Variants in RFX8 observed in about 807,000 individuals in gnomAD.
The protein encoded by RFX8 is regulatory factor X8.
RFX8 carries 46 observed loss-of-function variants against 54.6 expected under a neutral mutation model. The ratio of observed to expected loss-of-function variants is 0.84; its 90% CI spans 0.67 to 1.08. RFX8 has a LOEUF of 1.08. Ranked by LOEUF, RFX8 falls within the 50% of genes least tolerant of loss-of-function variation. RFX8 has a pLI of 0.00. For missense variants in RFX8, 536 were observed against 562.3 expected, an observed-to-expected ratio of 0.95 and a Z score of 0.47; for synonymous variants, 192 against 209.5, an observed-to-expected ratio of 0.92 and a Z score of 0.72.
intron 10 of RFX8, 128 bp downstream of exon 10, chr2:101,405,815 T>C (rs1685695712): frequency 9.3e-6 from 5 of 537,408 alleles, no homozygotes; most frequent in African/African-American, 1.9e-5. Flanking sequence ...GCTGTATCTA[T>C]GTTATATTTT....
chr2:101,439,495 A>G (rs1687966241), intron 2 of RFX8, among the ~76,000 whole-genome samples: 1 of 152,032 alleles, frequency 6.6e-6, no homozygotes, highest in Non-Finnish European at 1.5e-5. Context: ...TTTAAAGTTT[A>G]ATATTATGTT....
intron 11 of RFX8, among the ~76,000 whole-genome samples, chr2:101,401,994 A>G (rs1210686136): frequency 1.3e-5 from 2 of 152,232 alleles, no homozygotes; most frequent in African/African-American, 4.8e-5. Flanking sequence ...GGTGTTAGGT[A>G]AATAGTAACT....
intron 10 of RFX8, among the ~76,000 whole-genome samples, chr2:101,404,360 T>C (rs1685608632): frequency 6.6e-6 from 1 of 152,204 alleles, no homozygotes; most frequent in Admixed American, 6.5e-5. Context: ...TTCAAACTAC[T>C]GGTGTGAATA....
chr2:101,397,597 G>C lies in RFX8; in HGVS notation c.1373C>G (p.Pro458Arg). 1 of 1,550,010 alleles carries C rather than the reference G, an allele frequency of 6.5e-7. No homozygotes were observed. Among genetic ancestry groups the C allele is most frequent in the Non-Finnish European group, 8.7e-7 (1 of 1,146,050 alleles). ...GAAATAAATATCTTCAGAGCTTTGG[G>C]GTACATCTGATATCTGAATCACAAA... Reference protein sequence around the residue: ...QQFVIQISDVPQSSEDIYFRE... With the variant: ...QQFVIQISDVRQSSEDIYFRE... The change falls in exon 12 of 12, where the codon CCC becomes CGC. Residue 458 changes from proline to arginine, a missense_variant. By Grantham distance (103) the Pro-to-Arg change is moderately radical (BLOSUM62 -2). Transcript: ENST00000428343.
In RFX8 at chr2:101,470,833, C is replaced by T. The variant is rs190912596; in HGVS notation, c.-53+3803G>A. ...CTCCCAGGTTCATGTCATTCTCCTACCTCAGCCTCCCAAGTAGCTGGGACT... is the reference window on the plus strand; with the variant it reads ...CTCCCAGGTTCATGTCATTCTCCTATCTCAGCCTCCCAAGTAGCTGGGACT... On this transcript the variant is annotated intron_variant, in intron 1 of 11. Transcript: ENST00000428343. Among the ~76,000 whole-genome samples, 76 of 148,906 alleles carry T rather than the reference C, an allele frequency of 5.1e-4. 1 individual carries two copies. The East Asian group carries it at 0.01, about 20-fold the overall frequency.
At chr2:101,468,710 C>T (rs1374050688) in intron 1 of RFX8, among the ~76,000 whole-genome samples, 1 of 151,816 alleles carries the variant, frequency 6.6e-6, no homozygotes, top group Non-Finnish European at 1.5e-5. Flanking sequence ...AATAAGGTTA[C>T]ATTCTGAGGT....
intron 2 of RFX8, among the ~76,000 whole-genome samples, chr2:101,436,389 T>C (rs190669765): frequency 2.6e-3 from 390 of 152,198 alleles, no homozygotes; most frequent in African/African-American, 8.6e-3. Flanking sequence ...ATAAAGACAA[T>C]TGAGATGCCC....
intron 2 of RFX8, among the ~76,000 whole-genome samples, chr2:101,433,297 A>G (rs933734546): frequency 2.0e-5 from 3 of 151,984 alleles, no homozygotes; most frequent in East Asian, 1.9e-4. Context: ...GTCTTACACA[A>G]TGGTCTGAGG....
chr2:101,422,459 G>C lies in RFX8; in HGVS notation c.86C>G (p.Ser29Ter), dbSNP rs1389086181. The C allele has an allele frequency of 6.5e-7, 1 of 1,542,384 alleles. No homozygotes were observed. The highest frequency in any genetic ancestry group is 1.2e-5 in the South Asian group (1 of 83,858). Reference protein sequence around the residue: ...PATFGKCEDHSPMKTDPVGSP... With the variant: ...PATFGKCEDH ...TCCAACTGGGTCTGTCTTCATCGGT[G>C]AATGATCTTCACACTAAAAATCATT... The change falls in exon 3 of 12, where the codon TCA becomes TGA. Residue 29 changes from serine (S) to a stop codon, truncating the protein, a stop_gained. Transcript: ENST00000428343. LOFTEE classifies it high-confidence loss of function.
chr2:101,399,710 A>C (rs1255817290), intron 11 of RFX8, among the ~76,000 whole-genome samples: 2 of 152,224 alleles, frequency 1.3e-5, no homozygotes, highest in Non-Finnish European at 2.9e-5. Context: ...AAACCTCATA[A>C]TGTTCCTGTA....
At chr2:101,446,698 A>G (rs561801842) in intron 2 of RFX8, among the ~76,000 whole-genome samples, 8 of 149,914 alleles carry the variant, frequency 5.3e-5, no homozygotes, top group Middle Eastern at 3.4e-3. Flanking sequence ...CGGGACGCTA[A>G]TGGTCTCTCC....
chr2:101,412,728 C>T (rs1337988165), intron 8 of RFX8, among the ~76,000 whole-genome samples, 187 bp downstream of exon 8: 11 of 152,168 alleles, frequency 7.2e-5, no homozygotes, highest in Admixed American at 1.3e-4. Flanking sequence ...CCTGGGAGCA[C>T]AGGGACAGGG....
At chr2:101,438,532 G>A (rs1687908774) in intron 2 of RFX8, among the ~76,000 whole-genome samples, 1 of 152,184 alleles carries the variant, frequency 6.6e-6, no homozygotes, top group African/African-American at 2.4e-5. Flanking sequence ...ACTTAAACTT[G>A]CTATGAATGT....
intron 1 of RFX8, 163 bp downstream of exon 1, chr2:101,474,473 G>T (rs187329892): frequency 1.4e-5 from 5 of 351,860 alleles, no homozygotes; most frequent in Non-Finnish European, 2.5e-5. Context: ...CGGCGAGTAC[G>T]GGAGGCCACA....
chr2:101,467,410 G>C (rs191149140), intron 1 of RFX8, among the ~76,000 whole-genome samples: 15 of 152,300 alleles, frequency 9.8e-5, no homozygotes, highest in Middle Eastern at 3.4e-3. Context: ...CTCTGAAGCA[G>C]TTGCTTGCAT....
chr2:101,459,833 C>A (rs949058384), intron 2 of RFX8, among the ~76,000 whole-genome samples: 14 of 152,222 alleles, frequency 9.2e-5, no homozygotes, highest in African/African-American at 3.4e-4. Flanking sequence ...CTATGCCCTG[C>A]CCACAGAGGT....
At position 101,474,656 on chromosome 2, in the gene RFX8, G is replaced by C. The variant is rs1045364123; in HGVS notation, c.-73C>G. On this transcript the variant is annotated 5_prime_UTR_variant, in exon 1 of 12. Transcript: ENST00000428343. ...CTTACACCTTTTCCAATCTGGTCGC[G>C]GTGTTGAGTCCGTGGGTGTCCTTGA... The C allele has an allele frequency of 1.1e-5, 2 of 176,448 alleles. No individual in the cohort carries two copies. The highest frequency in any genetic ancestry group is 2.3e-5 in the African/African-American group (1 of 42,582). 10.9% of individuals were successfully genotyped at this position (176,448 alleles called of 1,614,324 possible).
At chr2:101,455,866 T>A (rs1468112092) in intron 2 of RFX8, among the ~76,000 whole-genome samples, 1 of 152,224 alleles carries the variant, frequency 6.6e-6, no homozygotes, top group Non-Finnish European at 1.5e-5. Context: ...CGTTCTTCCA[T>A]TTGTTTGTGT....
intron 9 of RFX8, among the ~76,000 whole-genome samples, chr2:101,407,856 G>A (rs576916576): frequency 2.0e-5 from 3 of 152,268 alleles, no homozygotes; most frequent in East Asian, 1.9e-4. Context: ...GTCCCCCAAC[G>A]TAGAAGCTCC....
Sources: gnomAD v4.1 joint callset for allele counts (sites outside exome capture counted in the v4.1 genomes callset) on GRCh38, gnomAD v4.1.1 for gene constraint, MANE v1.5 for transcripts, NCBI Gene and HGNC (gene_info 2026-07-23, HGNC 2026-07-21) for gene names.